Variants in TMTC1 observed in about 807,000 individuals in gnomAD.
TMTC1 encodes transmembrane O-mannosyltransferase targeting cadherins 1.
A neutral mutation model predicts 104.8 loss-of-function variants in TMTC1; 73 were observed. The observed-to-expected ratio is 0.70, with a 90% CI of 0.58 to 0.85. The LOEUF is 0.85. Among genes scored for constraint, TMTC1 ranks in the 40% least tolerant of loss-of-function variants. The pLI is 0.00. For synonymous variants in TMTC1, 434 were observed against 428.7 expected (o/e 1.01, Z -0.15); for missense variants, 1,035 against 1,096.1 (o/e 0.94, Z 0.79).
intron 5 of TMTC1, among the ~76,000 whole-genome samples, chr12:29,672,587 T>C (rs1405825178): frequency 2.6e-5 from 4 of 152,150 alleles, no homozygotes; most frequent in African/African-American, 7.2e-5. Flanking sequence ...CATTTAAACA[T>C]CTACAAATTC....
intron 5 of TMTC1, among the ~76,000 whole-genome samples, chr12:29,689,009 C>T (rs1941182394): frequency 6.6e-6 from 1 of 152,104 alleles, no homozygotes; most frequent in Non-Finnish European, 1.5e-5. Flanking sequence ...CTATTTGCAG[C>T]CCTCAATCCT....
intron 5 of TMTC1, among the ~76,000 whole-genome samples, chr12:29,723,268 T>C (rs1942289546): frequency 6.6e-6 from 1 of 152,110 alleles, no homozygotes; most frequent in Non-Finnish European, 1.5e-5. Context: ...ATAATTCTAA[T>C]AAAAACTTCT....
intron 6 of TMTC1, among the ~76,000 whole-genome samples, chr12:29,607,049 T>TG (rs1324162453): frequency 3.3e-4 from 50 of 152,050 alleles, no homozygotes; most frequent in African/African-American, 1.2e-3. Flanking sequence ...GATGCGGAGA[T>TG]GGGGGGAGAG....
At chr12:29,509,443 A>G (rs545368250) in intron 17 of TMTC1, among the ~76,000 whole-genome samples, 146 of 152,294 alleles carry the variant, frequency 9.6e-4, no homozygotes, top group African/African-American at 2.5e-3. Flanking sequence ...ACCTTGCTGG[A>G]GCTCTCAGGC....
At chr12:29,775,109 G>A (rs1181909587) in intron 1 of TMTC1, among the ~76,000 whole-genome samples, 1 of 152,146 alleles carries the variant, frequency 6.6e-6, no homozygotes, top group Admixed American at 6.6e-5. Context: ...AATATATCTG[G>A]AAGGTAGCAA....
intron 8 of TMTC1, among the ~76,000 whole-genome samples, chr12:29,573,489 A>C (rs1158547415): frequency 6.6e-6 from 1 of 152,162 alleles, no homozygotes; most frequent in Non-Finnish European, 1.5e-5. Context: ...CCCAGCCCTC[A>C]GGGAGTTTAT....
intron 7 of TMTC1, among the ~76,000 whole-genome samples, chr12:29,598,984 T>C (rs1322512915): frequency 6.6e-6 from 1 of 152,240 alleles, no homozygotes; most frequent in Non-Finnish European, 1.5e-5. Flanking sequence ...CTTATTCCCA[T>C]TCATTCTTTT....
intron 10 of TMTC1, among the ~76,000 whole-genome samples, chr12:29,543,898 C>T (rs971225070): frequency 4.6e-5 from 7 of 152,090 alleles, no homozygotes; most frequent in African/African-American, 7.2e-5. Context: ...ACAGAAGCCA[C>T]GTGGAACTGT....
chr12:29,536,346 G>T, intron 10 of TMTC1, 29 bp from the exon 11 acceptor site: 2 of 1,368,728 alleles, frequency 1.5e-6, no homozygotes, highest in Non-Finnish European at 2.0e-6. Context: ...GGGTGGGGGA[G>T]AACATCTTTT....
rs147379322 is a variant in TMTC1, at chr12:29,649,190, A to G, written c.939-15854T>C. Among the ~76,000 whole-genome samples, 30 of 152,204 alleles carry G rather than the reference A, an allele frequency of 2.0e-4. 1 individual carries two copies. Among genetic ancestry groups the G allele is most frequent in the African/African-American group, 6.7e-4 (28 of 41,522 alleles). On this transcript the variant is annotated intron_variant, in intron 5 of 17. Transcript: ENST00000539277. ...CCATCAGTTTTACTGTGTGGCCTCT[A>G]TGTCTACTCACCCTCTTTTACCTCT... is the stretch of plus-strand genomic sequence containing the variant.
At chr12:29,693,910 T>C (rs1248078295) in intron 5 of TMTC1, among the ~76,000 whole-genome samples, 5 of 152,310 alleles carry the variant, frequency 3.3e-5, no homozygotes, top group South Asian at 4.1e-4. Flanking sequence ...GACTGAAATA[T>C]CTGGTTCATG....
chr12:29,511,845 C>G (rs1411788151), intron 17 of TMTC1, among the ~76,000 whole-genome samples, 198 bp downstream of exon 17: 3 of 152,134 alleles, frequency 2.0e-5, no homozygotes, highest in Admixed American at 2.0e-4. Flanking sequence ...TTTAAAATAG[C>G]TTCAGGATAT....
At chr12:29,550,308 T>C (rs1188856043) in intron 10 of TMTC1, among the ~76,000 whole-genome samples, 24 of 152,126 alleles carry the variant, frequency 1.6e-4, no homozygotes, top group Admixed American at 1.4e-3. Flanking sequence ...TCAGATAAAT[T>C]AGAGATAGGG....
intron 6 of TMTC1, among the ~76,000 whole-genome samples, chr12:29,625,777 A>AC (rs1397066519): frequency 6.6e-6 from 1 of 152,138 alleles, no homozygotes; most frequent in African/African-American, 2.4e-5. Flanking sequence ...AACACACTTG[A>AC]CCGAGATGAC....
chr12:29,657,432 G>A (rs1321752047), intron 5 of TMTC1, among the ~76,000 whole-genome samples: 1 of 152,106 alleles, frequency 6.6e-6, no homozygotes, highest in African/African-American at 2.4e-5. Context: ...GAGAAGTCAA[G>A]CTTAATTAAA....
chr12:29,581,585 C>T (rs1338956920), intron 8 of TMTC1, among the ~76,000 whole-genome samples: 3 of 151,582 alleles, frequency 2.0e-5, no homozygotes, highest in Non-Finnish European at 2.9e-5. Context: ...ACATCTTTGG[C>T]ATCAGCTGTA....
At chr12:29,525,531 G>A (rs1244009517) in intron 11 of TMTC1, among the ~76,000 whole-genome samples, 2 of 151,590 alleles carry the variant, frequency 1.3e-5, no homozygotes, top group African/African-American at 4.8e-5. Flanking sequence ...TCCAGTCTCT[G>A]GGTTTTAGAC....
intron 5 of TMTC1, among the ~76,000 whole-genome samples, chr12:29,730,606 A>G (rs1942521395): frequency 6.6e-6 from 1 of 152,206 alleles, no homozygotes; most frequent in African/African-American, 2.4e-5. Flanking sequence ...ACCGGATGAC[A>G]GCATTGTCAT....
intron 9 of TMTC1, among the ~76,000 whole-genome samples, chr12:29,565,642 T>C (rs1945491094): frequency 6.6e-6 from 1 of 150,796 alleles, no homozygotes; most frequent in African/African-American, 2.4e-5. Context: ...AGGTCAGGAG[T>C]TCAAGACCAG....
Sources: allele counts gnomAD v4.1 joint callset (sites outside exome capture counted in the v4.1 genomes callset), GRCh38; gene constraint gnomAD v4.1.1; transcripts MANE v1.5; gene names NCBI Gene and HGNC (gene_info 2026-07-23, HGNC 2026-07-21).